CCDC14: variants seen among roughly 807,000 people sequenced by gnomAD.
The protein encoded by CCDC14 is coiled-coil domain containing 14.
CCDC14 carries 71 observed loss-of-function variants against 81.4 expected under a neutral mutation model. The ratio of observed to expected loss-of-function variants is 0.87; its 90% CI spans 0.72 to 1.06. The LOEUF (loss-of-function observed/expected upper bound fraction) is 1.06, where lower values mean the gene tolerates loss of function less well. Among genes scored for constraint, CCDC14 ranks in the 50% least tolerant of loss-of-function variants. The probability of loss-of-function intolerance (pLI) is 0.00; values close to 1 mark genes in which losing one functional copy is unlikely to be tolerated. For synonymous variants in CCDC14, 332 were observed against 364.8 expected, an observed-to-expected ratio of 0.91 and a Z score of 1.03; for missense variants, 1,046 against 1,047.3, an observed-to-expected ratio of 1.00 and a Z score of 0.02.
At chr3:123,959,020 C>A (rs1322921503) in intron 1 of CCDC14, 5 of 151,894 alleles carry the variant, frequency 3.3e-5, no homozygotes, top group Non-Finnish European at 5.9e-5. Flanking sequence ...ATGTATATAC[C>A]ATATTTTCTT....
At chr3:123,952,511 A>G (rs2037076219) in intron 5 of CCDC14, 1 of 442,098 alleles carries the variant, frequency 2.3e-6, no homozygotes, top group Non-Finnish European at 5.0e-6. Flanking sequence ...TTTAAATGCC[A>G]GAAGCACTCT....
At chr3:123,893,429 A>G (rs2148751892), downstream of CCDC14, among the ~76,000 whole-genome samples, 1 of 152,226 alleles carries the variant, frequency 6.6e-6, no homozygotes, top group East Asian at 1.9e-4. Context: ...ATAGCTGAGT[A>G]ATATTCATAT....
downstream of CCDC14, among the ~76,000 whole-genome samples, chr3:123,895,939 A>G (rs1405465585): frequency 1.3e-5 from 2 of 152,244 alleles, no homozygotes; most frequent in African/African-American, 4.8e-5. Flanking sequence ...AAGAAATGAA[A>G]TCACTATGTT....
chr3:123,960,902 G>C (rs1276014697), intron 1 of CCDC14, among the ~76,000 whole-genome samples: 1 of 152,124 alleles, frequency 6.6e-6, no homozygotes, highest in Non-Finnish European at 1.5e-5. Context: ...CTCGAACCCG[G>C]GCCTGACCCC....
rs1030665218 is a variant in CCDC14 at position 123,933,908 on chromosome 3, A to G, written c.1344-153T>C. Among the ~76,000 whole-genome samples the G allele has an allele frequency of 4.6e-5, 7 of 152,218 alleles. No individual in the cohort carries two copies. In the South Asian group the frequency reaches 1.4e-3, roughly 32 times the overall value. On this transcript the variant is annotated intron_variant, in intron 9 of 12. Transcript: ENST00000409697. ...AAGACAAAAACTAAATAAACAAAAC[A>G]AAAACAAAACCATACTACTATTATT...
At chr3:123,892,743 T>C (rs1294599788), downstream of CCDC14, among the ~76,000 whole-genome samples, 1 of 152,186 alleles carries the variant, frequency 6.6e-6, no homozygotes, top group African/African-American at 2.4e-5. Flanking sequence ...AACTCTTCCC[T>C]GTCATGTTAA....
the CCDC14 span, among the ~76,000 whole-genome samples, chr3:123,886,294 C>T: frequency 3.3e-5 from 5 of 152,090 alleles, no homozygotes; most frequent in Non-Finnish European, 5.9e-5. Flanking sequence ...AGCCATTTCT[C>T]CAAGAAGCTC....
chr3:123,893,966 A>C (rs1276929638), downstream of CCDC14, among the ~76,000 whole-genome samples: 1 of 152,194 alleles, frequency 6.6e-6, no homozygotes, highest in South Asian at 2.1e-4. Flanking sequence ...ATATATGATT[A>C]GCAAATATTT....
chr3:123,949,387 T>C (rs1559801685), intron 5 of CCDC14: 2 of 444,176 alleles, frequency 4.5e-6, no homozygotes, highest in Non-Finnish European at 8.0e-6. Flanking sequence ...TACTTGCCAT[T>C]TGTAAAATCT....
In CCDC14 at chr3:123,901,246, TA is replaced by T. The variant is rs576824336; in HGVS notation, c.668-3634del. 7.8e-3 allele frequency among the ~76,000 whole-genome samples: 1,055 copies of T among 135,244 alleles called. 14 individuals carry two copies. The highest frequency in any genetic ancestry group is 0.027 in the African/African-American group (977 of 36,654). The allele number at this position is 135,244 out of a possible 152,430, so 88.7% of individuals were successfully genotyped here. A position where few individuals can be genotyped will look rare whatever the true frequency, so the allele number is the denominator to read the frequency against. ...AAGCTCCATCTCAAAAATAAAAAAA[TA>T]AAAAAAAAAAGAAGACAGAGTACAC... On this transcript the variant is annotated intron_variant, in intron 5 of 5. Coordinates refer to the CCDC14 transcript ENST00000479903.
At chr3:123,929,566 G>T (rs897637125) in intron 12 of CCDC14, among the ~76,000 whole-genome samples, 1 of 152,170 alleles carries the variant, frequency 6.6e-6, no homozygotes, top group African/African-American at 2.4e-5. Context: ...GCCTCCCAAA[G>T]TGCTGGGGTT....
Position 123,944,974 on chromosome 3 carries a change from C to T in CCDC14, c.1218G>A (p.Gln406=). 1 of 1,602,212 alleles carries T rather than the reference C, an allele frequency of 6.2e-7. No homozygotes were observed. Among genetic ancestry groups the T allele is most frequent in the Non-Finnish European group, 8.5e-7 (1 of 1,171,850 alleles). The change falls in exon 9 of 13, where the codon CAG becomes CAA. Residue 406 remains glutamine, a synonymous_variant. Transcript: ENST00000409697. The part of the protein sequence containing the change: ...LVAEQEDSEI[Q]RLITEMEACI... Reference sequence around the variant, plus strand: ...ATGCCTCCATTTCTGTAATCAACCTCTGAATTTCTGAATCCTCTATAGAAG... The same window carrying T: ...ATGCCTCCATTTCTGTAATCAACCTTTGAATTTCTGAATCCTCTATAGAAG...
intron 12 of CCDC14, among the ~76,000 whole-genome samples, chr3:123,916,490 G>GTGTGTA (rs2034705375): frequency 2.0e-5 from 3 of 151,894 alleles, no homozygotes; most frequent in African/African-American, 7.2e-5. Context: ...GTGTGTGTGT[G>GTGTGTA]TGTGTGTGTG....
intron 12 of CCDC14, among the ~76,000 whole-genome samples, chr3:123,918,075 C>T (rs560411175): frequency 1.5e-4 from 23 of 152,038 alleles, no homozygotes; most frequent in African/African-American, 5.3e-4. Flanking sequence ...GAAAAGCAGG[C>T]CATAAATAAT....
intron 12 of CCDC14, among the ~76,000 whole-genome samples, chr3:123,930,555 T>C (rs2035633881): frequency 6.6e-6 from 1 of 152,208 alleles, no homozygotes; most frequent in African/African-American, 2.4e-5. Context: ...AAAATACTGT[T>C]AGGGAATGAA....
intron 5 of CCDC14, among the ~76,000 whole-genome samples, chr3:123,905,815 T>C (rs1411163895): frequency 6.6e-6 from 1 of 152,060 alleles, no homozygotes; most frequent in African/African-American, 2.4e-5. Context: ...GGCTTAACAG[T>C]CCATGCTAAA....
intron 9 of CCDC14, among the ~76,000 whole-genome samples, chr3:123,934,364 T>C (rs553945086): frequency 1.3e-5 from 2 of 152,166 alleles, no homozygotes; most frequent in South Asian, 2.1e-4. Flanking sequence ...TTTCTATTTC[T>C]TTCCTTTTCT....
intron 12 of CCDC14, among the ~76,000 whole-genome samples, chr3:123,923,083 C>T (rs2035148805): frequency 6.6e-6 from 1 of 151,960 alleles, no homozygotes; most frequent in African/African-American, 2.4e-5. Flanking sequence ...TTATTCAACA[C>T]AATTAAAGGG....
chr3:123,933,610 A>G (rs2035874063), intron 10 of CCDC14, 63 bp downstream of exon 10: 8 of 1,163,200 alleles, frequency 6.9e-6, no homozygotes, highest in Non-Finnish European at 9.9e-6. Context: ...CAAAAGCTCA[A>G]TTCTTTATCA....
Sources: allele counts gnomAD v4.1 joint callset (sites outside exome capture counted in the v4.1 genomes callset), GRCh38; gene constraint gnomAD v4.1.1; transcripts MANE v1.5; gene names NCBI Gene and HGNC (gene_info 2026-07-23, HGNC 2026-07-21).